Variants in MAGED1 observed in about 807,000 individuals in gnomAD.
MAGED1 encodes the protein MAGE family member D1.
In MAGED1, 3 loss-of-function variants were observed where a neutral mutation model predicts 54.1. That is an observed-to-expected ratio of 0.06 (90% confidence interval 0.03 to 0.14). MAGED1 has a LOEUF of 0.14. Among genes scored for constraint, MAGED1 ranks in the 10% least tolerant of loss-of-function variants. MAGED1 has a pLI of 1.00. For missense variants in MAGED1, 485 were observed against 623.4 expected (o/e 0.78, Z 2.36); for synonymous variants, 217 against 227.3 (o/e 0.95, Z 0.41).
At chrX:51,897,948 C>A in intron 7 of MAGED1, 62 bp downstream of exon 7, 1 of 975,974 alleles carries the variant, frequency 1.0e-6, no homozygotes, top group Non-Finnish European at 1.4e-6. Context: ...CTAGGAGTTT[C>A]ACGTAGATCA....
In MAGED1 at chrX:51,896,867, G is replaced by T. The variant is rs782485124; in HGVS notation, c.1212G>T (p.Trp404Cys). Reference sequence around the variant, plus strand: ...CAGACTGGCAAGGTCCTCCTGACTGGCCGCTACCACCCGACTGGCCACTGC... The same window carrying T: ...CAGACTGGCAAGGTCCTCCTGACTGTCCGCTACCACCCGACTGGCCACTGC... ...GPPDWQGPPD[W>C]PLPPDWPLPP... is the part of the protein sequence containing the mutation. The change falls in exon 4 of 13, where the codon TGG becomes TGT. Residue 404 changes from tryptophan to cysteine, a missense_variant. Coordinates refer to ENST00000326587, the MANE Select transcript of MAGED1 (RefSeq NM_006986.4). The T allele has an allele frequency of 5.0e-6, 6 of 1,203,552 alleles. No individual in the cohort carries two copies. Among genetic ancestry groups the T allele is most frequent in the Non-Finnish European group, 6.7e-6 (6 of 891,495 alleles).
chrX:51,841,405 G>A (rs74368587), intron 1 of MAGED1, among the ~76,000 whole-genome samples: 5 of 109,462 alleles, frequency 4.6e-5, no homozygotes, highest in African/African-American at 1.3e-4. Context: ...CTCTGATGGT[G>A]GTTTCTTTTG....
chrX:51,848,700 T>C (rs1926773603), intron 1 of MAGED1, among the ~76,000 whole-genome samples: 3 of 111,724 alleles, frequency 2.7e-5, no homozygotes, highest in Non-Finnish European at 5.6e-5. Context: ...TGAAGCAAAA[T>C]ATGCCGGTGG....
chrX:51,807,391 A>G (rs1557355215), intron 1 of MAGED1, among the ~76,000 whole-genome samples: 1 of 110,984 alleles, frequency 9.0e-6, no homozygotes, highest in Non-Finnish European at 1.9e-5. Context: ...TTGTATCTTC[A>G]GTCTCTTCAT....
At chrX:51,821,609 C>T (rs1274987454) in intron 1 of MAGED1, among the ~76,000 whole-genome samples, 2 of 111,262 alleles carry the variant, frequency 1.8e-5, no homozygotes, top group Admixed American at 1.9e-4. Flanking sequence ...AGGCTGGTCT[C>T]AAACACCTGG....
At chrX:51,821,564 A>G (rs1490885484) in intron 1 of MAGED1, among the ~76,000 whole-genome samples, 1 of 110,427 alleles carries the variant, frequency 9.1e-6, no homozygotes, top group Non-Finnish European at 1.9e-5. Flanking sequence ...TAGTTTTTGT[A>G]TTTTTTGTAG....
At chrX:51,849,558 G>A (rs1184488026) in intron 1 of MAGED1, among the ~76,000 whole-genome samples, 1 of 111,438 alleles carries the variant, frequency 9.0e-6, no homozygotes, top group Non-Finnish European at 1.9e-5. Context: ...TTTTTTATAA[G>A]TATCTAATTC....
At chrX:51,901,435 TTG>T (rs1230647049) in intron 11 of MAGED1, 116 bp from the exon 12 acceptor site, 364 of 619,499 alleles carry the variant, frequency 5.9e-4, no homozygotes, top group Non-Finnish European at 7.3e-4. Flanking sequence ...TAGTATTCCA[TTG>T]TGTGTGTGTG....
In MAGED1 at chrX:51,838,840, T is replaced by C. The variant is rs186954378; in HGVS notation, c.-37+35723T>C. Among the ~76,000 whole-genome samples the C allele has an allele frequency of 2.7e-5, 3 of 111,808 alleles. No homozygotes were observed. The Admixed American group carries it at 2.9e-4, about 11-fold the overall frequency. On this transcript the variant is annotated intron_variant, in intron 1 of 12. Coordinates refer to the MAGED1 transcript ENST00000375772. ...AGCTGACGAAGTGGAGGAAATTGGCTTGCAAACACTTGGAGAAATCACTTC... is the reference window on the plus strand; with the variant it reads ...AGCTGACGAAGTGGAGGAAATTGGCCTGCAAACACTTGGAGAAATCACTTC...
chrX:51,805,860 C>G (rs1259372762), intron 1 of MAGED1, among the ~76,000 whole-genome samples: 1 of 108,920 alleles, frequency 9.2e-6, no homozygotes, highest in Admixed American at 1.0e-4. Flanking sequence ...TCTATTTTGG[C>G]TGAACCATTT....
intron 1 of MAGED1, among the ~76,000 whole-genome samples, chrX:51,833,689 C>T (rs1462447439): frequency 1.8e-5 from 2 of 111,900 alleles, no homozygotes; most frequent in African/African-American, 3.2e-5. Context: ...ACTTTACCAT[C>T]GTCAGGATAT....
intron 1 of MAGED1, among the ~76,000 whole-genome samples, chrX:51,829,283 T>C (rs999519876): frequency 9.0e-6 from 1 of 110,665 alleles, no homozygotes; most frequent in Non-Finnish European, 1.9e-5. Flanking sequence ...TGGAAAAGAA[T>C]AGAGAATACA....
At chrX:51,839,102 G>A (rs1487279158) in intron 1 of MAGED1, among the ~76,000 whole-genome samples, 1 of 111,671 alleles carries the variant, frequency 9.0e-6, no homozygotes, top group South Asian at 3.8e-4. Flanking sequence ...GATTATTTAT[G>A]TGAAGGTTTC....
chrX:51,822,987 C>T (rs1557356681), intron 1 of MAGED1, among the ~76,000 whole-genome samples: 2 of 111,703 alleles, frequency 1.8e-5, no homozygotes, highest in African/African-American at 6.5e-5. Context: ...CTTTCTGTTA[C>T]TGATTTCTAA....
At chrX:51,887,382 A>T (rs1928277763) in intron 1 of MAGED1, among the ~76,000 whole-genome samples, 1 of 110,797 alleles carries the variant, frequency 9.0e-6, no homozygotes, top group Non-Finnish European at 1.9e-5. Context: ...AGAATAATAC[A>T]TAAAATAATT....
At chrX:51,806,448 A>C (rs1363977863) in intron 1 of MAGED1, among the ~76,000 whole-genome samples, 1 of 112,177 alleles carries the variant, frequency 8.9e-6, no homozygotes, top group African/African-American at 3.2e-5. Flanking sequence ...AAAGTAACAC[A>C]GTTTGTGTTA....
chrX:51,827,154 C>G (rs1424195260), intron 1 of MAGED1, among the ~76,000 whole-genome samples: 2 of 111,531 alleles, frequency 1.8e-5, no homozygotes, highest in African/African-American at 6.5e-5. Flanking sequence ...ATCCCAGCTA[C>G]TCAGAGGCTG....
chrX:51,807,652 A>G, intron 1 of MAGED1, among the ~76,000 whole-genome samples: 1 of 111,678 alleles, frequency 9.0e-6, no homozygotes. Context: ...AGTGACATTC[A>G]GTCAACCCCA....
intron 3 of MAGED1, 29 bp downstream of exon 3, chrX:51,895,789 T>A: frequency 9.2e-7 from 1 of 1,082,280 alleles, no homozygotes; most frequent in Non-Finnish European, 1.2e-6. Flanking sequence ...TCATTTTGCT[T>A]TGGGGCTGTC....
Sources: allele counts gnomAD v4.1 joint callset (sites outside exome capture counted in the v4.1 genomes callset), GRCh38; gene constraint gnomAD v4.1.1; transcripts MANE v1.5; gene names NCBI Gene and HGNC (gene_info 2026-07-23, HGNC 2026-07-21).